The following RAB8B variants were observed in gnomAD, a reference collection of about 807,000 sequenced individuals.
RAB8B encodes the protein RAB8B, member RAS oncogene family, also known as ras-related protein Rab-8B.
RAB8B carries 11 observed loss-of-function variants against 32.0 expected under a neutral mutation model. That is an observed-to-expected ratio of 0.34 (90% CI 0.22 to 0.57). The LOEUF (loss-of-function observed/expected upper bound fraction) is 0.57, where lower values mean the gene tolerates loss of function less well. Among genes scored for constraint, RAB8B ranks in the 20% least tolerant of loss-of-function variants. The probability of loss-of-function intolerance (pLI) is 0.86; values close to 1 mark genes in which losing one functional copy is unlikely to be tolerated. For synonymous variants in RAB8B, 103 were observed against 89.6 expected, an observed-to-expected ratio of 1.15 and a Z score of -0.85; for missense variants, 190 against 258.5, an observed-to-expected ratio of 0.73 and a Z score of 1.82.
At chr15:63,255,667 G>C in intron 4 of RAB8B, 83 bp downstream of exon 4, 1 of 1,136,646 alleles carries the variant, frequency 8.8e-7, no homozygotes, top group Non-Finnish European at 1.3e-6. Flanking sequence ...CAAGGCAGCT[G>C]AGCTGCTTAG....
At chr15:63,229,958 T>C (rs1567015336) in intron 1 of RAB8B, among the ~76,000 whole-genome samples, 2 of 152,120 alleles carry the variant, frequency 1.3e-5, no homozygotes, top group South Asian at 2.1e-4. Flanking sequence ...CTTCAAACTT[T>C]TGTATCATAG....
At chr15:63,202,200 C>G (rs1189392032) in intron 1 of RAB8B, among the ~76,000 whole-genome samples, 1 of 151,340 alleles carries the variant, frequency 6.6e-6, no homozygotes, top group African/African-American at 2.4e-5. Context: ...ATGGCGTGAA[C>G]CCGGGAGGCA....
chr15:63,249,739 G>A (rs1410055853), intron 3 of RAB8B, 34 bp downstream of exon 3: 2 of 1,586,822 alleles, frequency 1.3e-6, no homozygotes, highest in Non-Finnish European at 1.7e-6. Context: ...AACTCTTCAG[G>A]TAGAAGTAAA....
intron 1 of RAB8B, among the ~76,000 whole-genome samples, chr15:63,234,590 G>A (rs543060658): frequency 2.0e-5 from 3 of 152,302 alleles, no homozygotes; most frequent in East Asian, 1.9e-4. Flanking sequence ...TGCCTCCAGC[G>A]ACATCACTGG....
At chr15:63,210,954 C>A (rs149606957) in intron 1 of RAB8B, among the ~76,000 whole-genome samples, 1 of 152,202 alleles carries the variant, frequency 6.6e-6, no homozygotes, top group African/African-American at 2.4e-5. Context: ...TGGTGTGGTT[C>A]TAATTAACTT....
chr15:63,197,643 G>A (rs1028355031), intron 1 of RAB8B, among the ~76,000 whole-genome samples: 2 of 152,040 alleles, frequency 1.3e-5, no homozygotes, highest in African/African-American at 4.8e-5. Context: ...CAAAGTGTTA[G>A]CATTACAGTG....
At chr15:63,196,758 C>G (rs1479294586) in intron 1 of RAB8B, among the ~76,000 whole-genome samples, 3 of 152,174 alleles carry the variant, frequency 2.0e-5, no homozygotes, top group Non-Finnish European at 4.4e-5. Context: ...GGACTCTTAA[C>G]ACAGGAATGT....
chr15:63,262,686 C>A lies in RAB8B; in HGVS notation c.481-6C>A. 1 of 1,362,912 alleles carries A rather than the reference C, an allele frequency of 7.3e-7. No homozygotes were observed. Among genetic ancestry groups the A allele is most frequent in the Non-Finnish European group, 9.7e-7 (1 of 1,029,048 alleles). The allele number at this position is 1,362,912 out of a possible 1,614,324, so 84.4% of individuals were successfully genotyped here. The stretch of plus-strand genomic sequence containing the variant: ...TAATAATGAAAATGTTTTGTTTTAC[C>A]TATAGGCATTTTTTACACTTGCACG... On this transcript the variant is annotated splice_region_variant and splice_polypyrimidine_tract_variant and intron_variant, in intron 6 of 7. Transcript: ENST00000321437.
At chr15:63,216,389 C>T (rs1002111308) in intron 1 of RAB8B, among the ~76,000 whole-genome samples, 2 of 151,342 alleles carry the variant, frequency 1.3e-5, no homozygotes, top group Non-Finnish European at 3.0e-5. Flanking sequence ...CCATAACACC[C>T]GGCTAATTTT....
chr15:63,191,779 G>A (rs543184415), intron 1 of RAB8B, among the ~76,000 whole-genome samples: 3 of 152,132 alleles, frequency 2.0e-5, no homozygotes, highest in Non-Finnish European at 4.4e-5. Context: ...CTTCTTGGAC[G>A]ACTTGCTTGT....
intron 3 of RAB8B, among the ~76,000 whole-genome samples, chr15:63,252,027 G>A (rs1280662086): frequency 2.6e-5 from 4 of 151,714 alleles, no homozygotes; most frequent in African/African-American, 7.3e-5. Context: ...TTGGGCTTTG[G>A]GGAAAAACAG....
intron 1 of RAB8B, among the ~76,000 whole-genome samples, chr15:63,215,372 T>C (rs1340986099): frequency 6.6e-6 from 1 of 152,236 alleles, no homozygotes; most frequent in African/African-American, 2.4e-5. Flanking sequence ...TTCAAAGATA[T>C]TAAATGAAAA....
intron 1 of RAB8B, among the ~76,000 whole-genome samples, chr15:63,207,553 GTTTTTTGT>G (rs1444947196): frequency 1.3e-5 from 2 of 151,462 alleles, no homozygotes; most frequent in African/African-American, 2.4e-5. Context: ...CTTTTCCTTA[GTTTTTTGT>G]TTTTTTGTTT....
At chr15:63,215,268 T>C (rs35760360) in intron 1 of RAB8B, among the ~76,000 whole-genome samples, 23,294 of 152,246 alleles carry the variant, frequency 0.15, 2,194 homozygotes, top group East Asian at 0.47. Flanking sequence ...CATTGATGCA[T>C]TGATTTTATT....
chr15:63,239,728 G>A (rs898204210), intron 1 of RAB8B, among the ~76,000 whole-genome samples: 2 of 152,134 alleles, frequency 1.3e-5, no homozygotes, highest in South Asian at 2.1e-4. Flanking sequence ...AGTTTTTAAA[G>A]CCATCTTTAC....
chr15:63,200,903 T>C (rs1359980456), intron 1 of RAB8B, among the ~76,000 whole-genome samples: 1 of 152,248 alleles, frequency 6.6e-6, no homozygotes, highest in Non-Finnish European at 1.5e-5. Flanking sequence ...AGTCTGGGCG[T>C]AGTCAACATT....
At chr15:63,217,402 T>G (rs1331117940) in intron 1 of RAB8B, among the ~76,000 whole-genome samples, 1 of 152,198 alleles carries the variant, frequency 6.6e-6, no homozygotes, top group Non-Finnish European at 1.5e-5. Context: ...AATTTAGACA[T>G]TTAAGGAAAA....
intron 1 of RAB8B, among the ~76,000 whole-genome samples, chr15:63,213,026 A>G (rs948715135): frequency 1.3e-5 from 2 of 152,154 alleles, no homozygotes; most frequent in East Asian, 1.9e-4. Flanking sequence ...TTTAGTGTCT[A>G]AGTCTTCCCT....
chr15:63,190,498 G>T (rs1030788561), intron 1 of RAB8B, among the ~76,000 whole-genome samples: 1 of 152,022 alleles, frequency 6.6e-6, no homozygotes, highest in African/African-American at 2.4e-5. Context: ...GAAGACAGAG[G>T]AGATGGAAAA....
Sources: allele counts gnomAD v4.1 joint callset (sites outside exome capture counted in the v4.1 genomes callset), GRCh38; gene constraint gnomAD v4.1.1; transcripts MANE v1.5; gene names NCBI Gene and HGNC (gene_info 2026-07-23, HGNC 2026-07-21).